The following ZNF407 variants were observed in gnomAD, a reference collection of about 807,000 sequenced individuals.
ZNF407 encodes zinc finger protein 407.
In ZNF407, 17 loss-of-function variants were observed where a neutral mutation model predicts 131.2. The observed-to-expected ratio is 0.13, with a 90% CI of 0.09 to 0.19. The LOEUF is 0.19. Ranked by LOEUF, ZNF407 falls within the 10% of genes least tolerant of loss-of-function variation. ZNF407 has a pLI of 1.00. For synonymous variants in ZNF407, 1,156 were observed against 1,062.0 expected (o/e 1.09, Z -1.72); for missense variants, 2,681 against 2,830.6 (o/e 0.95, Z 1.20).
intron 3 of ZNF407, among the ~76,000 whole-genome samples, chr18:74,748,282 T>A (rs902630092): frequency 6.6e-6 from 1 of 151,274 alleles, no homozygotes; most frequent in African/African-American, 2.4e-5. Flanking sequence ...TAAAAATTCT[T>A]TCTTTTTTTT....
In ZNF407 at chr18:74,878,983, A is replaced by G. The variant is rs377322316; in HGVS notation, c.5044+1620A>G. On this transcript the variant is annotated intron_variant, in intron 5 of 8. Transcript: ENST00000299687. ...TATGATATACAATACATTGGAGACT[A>G]ACATCCTAAATAAAATCATACACAT... Among the ~76,000 whole-genome samples the G allele has an allele frequency of 2.9e-4, 44 of 152,188 alleles. No individual in the cohort carries two copies. The South Asian group carries it at 9.1e-3, about 32-fold the overall frequency.
chr18:74,623,184 C>G (rs2144643600), intron 1 of ZNF407, among the ~76,000 whole-genome samples: 1 of 149,488 alleles, frequency 6.7e-6, no homozygotes, highest in South Asian at 2.1e-4. Flanking sequence ...GAATGTGAAT[C>G]CGTGTGTGTC....
At chr18:74,899,632 GA>G (rs1007177284) in intron 7 of ZNF407, among the ~76,000 whole-genome samples, 1 of 152,194 alleles carries the variant, frequency 6.6e-6, no homozygotes, top group African/African-American at 2.4e-5. Flanking sequence ...TGGAAAATGT[GA>G]AAAAGTGAAA....
intron 1 of ZNF407, among the ~76,000 whole-genome samples, chr18:74,618,845 T>C (rs1171015371): frequency 6.6e-6 from 1 of 152,236 alleles, no homozygotes; most frequent in Non-Finnish European, 1.5e-5. Context: ...TTTTCTCTTT[T>C]CTAAATATAC....
chr18:75,043,413 A>C (rs1043495777), intron 8 of ZNF407, among the ~76,000 whole-genome samples: 13 of 152,214 alleles, frequency 8.5e-5, no homozygotes, highest in Admixed American at 1.3e-4. Flanking sequence ...ACAGCCTGCC[A>C]GATATTTGGA....
intron 7 of ZNF407, among the ~76,000 whole-genome samples, chr18:74,895,402 G>A (rs191649540): frequency 6.6e-6 from 1 of 152,086 alleles, no homozygotes; most frequent in Non-Finnish European, 1.5e-5. Context: ...ATGTGTGACT[G>A]GCACAGGGCA....
intron 7 of ZNF407, among the ~76,000 whole-genome samples, chr18:74,914,113 T>C (rs1317591388): frequency 6.6e-6 from 1 of 152,206 alleles, no homozygotes; most frequent in East Asian, 1.9e-4. Context: ...GCGTGCTGTT[T>C]CTATTCTGCT....
At chr18:74,962,095 G>A (rs922925793) in intron 8 of ZNF407, among the ~76,000 whole-genome samples, 16 of 152,234 alleles carry the variant, frequency 1.1e-4, no homozygotes, top group African/African-American at 3.6e-4. Context: ...AATGATGCTT[G>A]TTTTTTATTT....
intron 8 of ZNF407, among the ~76,000 whole-genome samples, chr18:74,923,169 T>C (rs1971869099): frequency 6.6e-6 from 1 of 152,198 alleles, no homozygotes; most frequent in African/African-American, 2.4e-5. Flanking sequence ...TGAAAGACTA[T>C]ATGTGAGTTC....
intron 5 of ZNF407, 22 bp downstream of exon 5, chr18:74,877,385 TC>T (rs1269422369): frequency 5.6e-6 from 9 of 1,607,700 alleles, no homozygotes; most frequent in African/African-American, 1.3e-5. Context: ...CGCCTTCCTA[TC>T]CCAGGAGGCT....
At chr18:74,623,544 T>C (rs1267342153) in intron 1 of ZNF407, among the ~76,000 whole-genome samples, 5 of 152,190 alleles carry the variant, frequency 3.3e-5, no homozygotes, top group Admixed American at 2.6e-4. Flanking sequence ...GCGTGTGAAA[T>C]GGTTTCATTT....
At chr18:75,062,572 C>T (rs8099215) in intron 8 of ZNF407, 14,958 of 152,304 alleles carry the variant, frequency 0.098, 848 homozygotes, top group South Asian at 0.17. Context: ...TGCCCAGGTT[C>T]AGCACCTGAA....
chr18:74,599,966 A>C (rs540779785), intron 1 of ZNF407, among the ~76,000 whole-genome samples: 5 of 152,190 alleles, frequency 3.3e-5, no homozygotes, highest in African/African-American at 1.2e-4. Context: ...TTGCTTTCCA[A>C]CTCTGATGAC....
Position 75,064,863 on chromosome 18 carries a change from A to C in ZNF407, c.*395A>C. ...ATCAGAAGGTCATGGCCGTGGGGAA[A>C]GTGGTGAAGATACCCCTCCTGGCTT... is the stretch of plus-strand genomic sequence containing the variant. On this transcript the variant is annotated 3_prime_UTR_variant, in exon 9 of 9. Transcript: ENST00000299687. The C allele has an allele frequency of 5.9e-6, 1 of 169,590 alleles. No individual in the cohort carries two copies. The highest frequency in any genetic ancestry group is 1.3e-5 in the Non-Finnish European group (1 of 79,632). The allele number at this position is 169,590 out of a possible 1,614,324, so 10.5% of individuals were successfully genotyped here. A position where few individuals can be genotyped will look rare whatever the true frequency, so the allele number is the denominator to read the frequency against.
At chr18:74,734,691 GTGTGTGTGTGTGTGTGTGTT>G (rs1415480912) in intron 3 of ZNF407, among the ~76,000 whole-genome samples, 1 of 146,060 alleles carries the variant, frequency 6.8e-6, no homozygotes, top group African/African-American at 2.8e-5. Flanking sequence ...GTGTGTGTGT[GTGTGTGTGTGTGTGTGTGTT>G]TTTGAGAGAA....
At chr18:74,814,936 A>G (rs146299939) in intron 4 of ZNF407, among the ~76,000 whole-genome samples, 39 of 151,584 alleles carry the variant, frequency 2.6e-4, no homozygotes, top group African/African-American at 9.0e-4. Context: ...ATATCATATT[A>G]TATAATCTTT....
chr18:75,006,171 G>A (rs146117757), intron 8 of ZNF407, among the ~76,000 whole-genome samples: 5 of 152,100 alleles, frequency 3.3e-5, no homozygotes, highest in Non-Finnish European at 5.9e-5. Context: ...CTGCACTGCC[G>A]CTCCTATTTC....
In ZNF407 at chr18:74,635,472, A is replaced by G. The variant is rs1427393780; in HGVS notation, c.4453A>G (p.Thr1485Ala). The change falls in exon 2 of 9, where the codon ACC (threonine) becomes GCC (alanine). Residue 1485 changes from threonine to alanine, a missense_variant. Physicochemically the swap from Thr to Ala is moderately conservative, Grantham distance 58 (BLOSUM62 0). Transcript: ENST00000299687. The surrounding 1 kb of genome is among the most constrained non-coding windows in gnomAD (Gnocchi z 4.7). ...GGAGGAGCTTCCGGAGGGAGGGGCC[A>G]CCTTTAAATGTGTCAAGTGCACAGA... ...SVEELPEGGA[T>A]FKCVKCTEPF... is the part of the protein sequence containing the mutation. The G allele has an allele frequency of 5.0e-6, 8 of 1,612,778 alleles. No homozygotes were observed. The highest frequency in any genetic ancestry group is 1.1e-5 in the South Asian group (1 of 90,908).
intron 3 of ZNF407, among the ~76,000 whole-genome samples, chr18:74,769,127 A>T (rs189587094): frequency 6.6e-6 from 1 of 152,296 alleles, no homozygotes; most frequent in East Asian, 1.9e-4. Context: ...ACCCTAGGGA[A>T]GAGAGATAAT....
Sources: gnomAD v4.1 joint callset for allele counts (sites outside exome capture counted in the v4.1 genomes callset) on GRCh38, gnomAD v4.1.1 for gene constraint, Gnocchi (gnomAD v3.1) non-coding constraint, MANE v1.5 for transcripts, NCBI Gene and HGNC (gene_info 2026-07-23, HGNC 2026-07-21) for gene names.